Variants in KYNU observed in about 807,000 individuals in gnomAD.
KYNU encodes kynureninase.
KYNU carries 54 observed loss-of-function variants against 59.2 expected under a neutral mutation model. That is an observed-to-expected ratio of 0.91 (90% CI 0.73 to 1.14). KYNU has a LOEUF of 1.14. Ranked by LOEUF, KYNU falls within the 50% of genes most tolerant of loss-of-function variation. KYNU has a pLI of 0.00. For synonymous variants in KYNU, 177 were observed against 192.0 expected (o/e 0.92, Z 0.65); for missense variants, 567 against 554.4 (o/e 1.02, Z -0.23).
At chr2:143,000,994 C>G (rs1189351592) in intron 10 of KYNU, among the ~76,000 whole-genome samples, 1 of 152,182 alleles carries the variant, frequency 6.6e-6, no homozygotes, top group Non-Finnish European at 1.5e-5. Flanking sequence ...TTTCAATCCA[C>G]TTATTGCCTC....
At chr2:142,954,630 C>T (rs991430115) in intron 4 of KYNU, among the ~76,000 whole-genome samples, 180 bp from the exon 5 acceptor site, 1 of 151,902 alleles carries the variant, frequency 6.6e-6, no homozygotes, top group Admixed American at 6.6e-5. Flanking sequence ...CATCTAAGTC[C>T]AGATATCATT....
intron 10 of KYNU, among the ~76,000 whole-genome samples, chr2:143,007,094 C>T (rs1299071054): frequency 2.0e-5 from 3 of 151,942 alleles, no homozygotes; most frequent in African/African-American, 4.8e-5. Flanking sequence ...AGGCTTCAGA[C>T]GATCAAATTA....
chr2:142,905,361 C>T (rs1226277210), intron 2 of KYNU, among the ~76,000 whole-genome samples: 2 of 152,190 alleles, frequency 1.3e-5, no homozygotes, highest in Non-Finnish European at 2.9e-5. Context: ...ATTCTCCTAA[C>T]TCTTCTTCCA....
intron 10 of KYNU, among the ~76,000 whole-genome samples, chr2:142,995,791 C>A (rs763921992): frequency 1.3e-5 from 2 of 152,040 alleles, no homozygotes; most frequent in African/African-American, 4.8e-5. Flanking sequence ...TTTTTCCTAC[C>A]GCTATGCTGA....
chr2:142,889,390 G>A (rs1227267589), intron 2 of KYNU, among the ~76,000 whole-genome samples: 1 of 152,096 alleles, frequency 6.6e-6, no homozygotes, highest in African/African-American at 2.4e-5. Context: ...ATATAGGGCA[G>A]GACACCTGTC....
At chr2:142,901,040 G>A (rs370811158) in intron 2 of KYNU, among the ~76,000 whole-genome samples, 15 of 142,346 alleles carry the variant, frequency 1.1e-4, no homozygotes, top group South Asian at 9.3e-4. Flanking sequence ...GCGAAAGAGC[G>A]AGACTCCATC....
chr2:143,012,373 C>T (rs1207793840), intron 10 of KYNU, among the ~76,000 whole-genome samples: 1 of 151,736 alleles, frequency 6.6e-6, no homozygotes. Context: ...ATCCCAGCTA[C>T]TCGGGAGGCT....
intron 2 of KYNU, among the ~76,000 whole-genome samples, chr2:142,890,673 C>T (rs540381236): frequency 6.6e-6 from 1 of 152,220 alleles, no homozygotes; most frequent in East Asian, 1.9e-4. Flanking sequence ...AGGCAGAGTT[C>T]TGCCATGTTG....
chr2:143,011,133 A>G (rs1454790260), intron 10 of KYNU, among the ~76,000 whole-genome samples: 1 of 145,926 alleles, frequency 6.9e-6, no homozygotes, highest in Non-Finnish European at 1.5e-5. Context: ...GCAACCTACA[A>G]AATGGGAGAC....
chr2:142,891,478 A>G (rs6716587), intron 2 of KYNU, among the ~76,000 whole-genome samples: 17,506 of 152,244 alleles, frequency 0.11, 1,583 homozygotes, highest in African/African-American at 0.24. Flanking sequence ...AGATCAGTAA[A>G]TTGACACCCA....
At chr2:142,991,633 G>A (rs1685401081) in intron 10 of KYNU, among the ~76,000 whole-genome samples, 1 of 151,706 alleles carries the variant, frequency 6.6e-6, no homozygotes, top group South Asian at 2.1e-4. Context: ...AAACTTCTGT[G>A]GTACCGTTTT....
chr2:143,017,146 CA>C (rs1274635130), intron 10 of KYNU, among the ~76,000 whole-genome samples: 56 of 88,240 alleles, frequency 6.3e-4, no homozygotes, highest in Non-Finnish European at 9.5e-5. Context: ...TTATCCAACC[CA>C]CCATTAATGG....
chr2:142,882,757 G>C (rs767753413), intron 1 of KYNU, among the ~76,000 whole-genome samples: 8 of 152,210 alleles, frequency 5.3e-5, no homozygotes, highest in Middle Eastern at 3.4e-3. Flanking sequence ...GGTTCCAAGT[G>C]TTTGCTATTG....
rs1558921049 is a variant in KYNU at position 142,918,746 on chromosome 2, A to C, written c.290+17A>C. On this transcript the variant is annotated intron_variant, in intron 3 of 13. Transcript: ENST00000264170. ...GGCCAAAATGTAAGTATTATTTTAAAAGCTACTACTCTACATCTCATACAA... is the reference window on the plus strand; with the variant it reads ...GGCCAAAATGTAAGTATTATTTTAACAGCTACTACTCTACATCTCATACAA... The C allele has an allele frequency of 6.2e-7, 1 of 1,606,352 alleles. No individual in the cohort carries two copies. Among genetic ancestry groups the C allele is most frequent in the Admixed American group, 1.7e-5 (1 of 59,874 alleles).
chr2:142,910,766 G>A (rs1336419499), intron 2 of KYNU, among the ~76,000 whole-genome samples: 1 of 152,136 alleles, frequency 6.6e-6, no homozygotes, highest in Non-Finnish European at 1.5e-5. Flanking sequence ...AAAGGTAGGG[G>A]TCCAGTTCCA....
intron 4 of KYNU, chr2:142,946,992 G>A: frequency 6.7e-7 from 1 of 1,490,254 alleles, no homozygotes; most frequent in Non-Finnish European, 9.1e-7. Flanking sequence ...GCCAACTTGA[G>A]ACAAGTTTAT....
At chr2:143,021,925 G>A (rs1380760976) in intron 10 of KYNU, among the ~76,000 whole-genome samples, 1 of 151,976 alleles carries the variant, frequency 6.6e-6, no homozygotes, top group Admixed American at 6.6e-5. Context: ...AGGAATGCAG[G>A]TCTTGAACAC....
At chr2:143,003,871 T>TG (rs1319087532) in intron 10 of KYNU, among the ~76,000 whole-genome samples, 1 of 151,070 alleles carries the variant, frequency 6.6e-6, no homozygotes, top group Non-Finnish European at 1.5e-5. Flanking sequence ...ACAGAAAGAG[T>TG]GGAGCTGATG....
At chr2:142,955,790 CA>C (rs1178137926) in intron 5 of KYNU, among the ~76,000 whole-genome samples, 10 of 152,002 alleles carry the variant, frequency 6.6e-5, no homozygotes, top group Admixed American at 6.6e-4. Flanking sequence ...GAGCTACTAT[CA>C]ATACAAATAA....
Sources: allele counts gnomAD v4.1 joint callset (sites outside exome capture counted in the v4.1 genomes callset), GRCh38; gene constraint gnomAD v4.1.1; transcripts MANE v1.5; gene names NCBI Gene and HGNC (gene_info 2026-07-23, HGNC 2026-07-21).